Variants in RBMS3 observed in about 807,000 individuals in gnomAD.
The protein encoded by RBMS3 is RNA-binding motif, single-stranded-interacting protein 3.
Under a neutral mutation model 66.8 loss-of-function variants are expected in RBMS3, and 27 were observed. That is an observed-to-expected ratio of 0.40 (90% CI 0.30 to 0.56). The LOEUF (loss-of-function observed/expected upper bound fraction) is 0.56. Ranked by LOEUF, RBMS3 falls within the 20% of genes least tolerant of loss-of-function variation. The pLI is 0.40. For synonymous variants in RBMS3, 188 were observed against 183.0 expected, an observed-to-expected ratio of 1.03 and a Z score of -0.22; for missense variants, 513 against 549.5, an observed-to-expected ratio of 0.93 and a Z score of 0.66.
intron 1 of RBMS3, among the ~76,000 whole-genome samples, chr3:29,312,532 C>T (rs988615000): frequency 6.6e-6 from 1 of 151,714 alleles, no homozygotes; most frequent in Non-Finnish European, 1.5e-5. Flanking sequence ...ATTTAAATCA[C>T]TAATTAATTC....
chr3:29,353,965 G>A (rs1005798208), intron 1 of RBMS3, among the ~76,000 whole-genome samples: 2 of 152,054 alleles, frequency 1.3e-5, no homozygotes, highest in African/African-American at 4.8e-5. Flanking sequence ...TGGCTGACAC[G>A]AATTAGTATT....
intron 1 of RBMS3, among the ~76,000 whole-genome samples, chr3:29,398,654 A>G (rs1005511827): frequency 6.6e-6 from 1 of 152,154 alleles, no homozygotes; most frequent in South Asian, 2.1e-4. Flanking sequence ...ACTGTTGGTG[A>G]CCAGGATGTC....
intron 10 of RBMS3, among the ~76,000 whole-genome samples, chr3:29,922,195 G>C (rs1424618163): frequency 1.3e-5 from 2 of 152,212 alleles, no homozygotes; most frequent in African/African-American, 4.8e-5. Flanking sequence ...TTCACAGCAA[G>C]ATATAACAGA....
chr3:29,405,391 T>C (rs1203797381), intron 1 of RBMS3, among the ~76,000 whole-genome samples: 1 of 152,172 alleles, frequency 6.6e-6, no homozygotes, highest in African/African-American at 2.4e-5. Flanking sequence ...AAGAATTCTT[T>C]ATTTTGTGTG....
At chr3:29,693,484 T>A (rs1398776838) in intron 4 of RBMS3, among the ~76,000 whole-genome samples, 1 of 152,156 alleles carries the variant, frequency 6.6e-6, no homozygotes, top group African/African-American at 2.4e-5. Flanking sequence ...GCATGCCAAT[T>A]TATTTCTATT....
intron 10 of RBMS3, among the ~76,000 whole-genome samples, chr3:29,919,080 G>A (rs1319284880): frequency 2.0e-5 from 3 of 152,028 alleles, no homozygotes; most frequent in Admixed American, 2.0e-4. Flanking sequence ...CTCTTTTAAA[G>A]AGTTTTTCCT....
At chr3:29,799,627 T>C (rs1207968495) in intron 6 of RBMS3, among the ~76,000 whole-genome samples, 1 of 152,212 alleles carries the variant, frequency 6.6e-6, no homozygotes, top group Non-Finnish European at 1.5e-5. Flanking sequence ...CCCCCTCAGA[T>C]AGGTACATCT....
chr3:29,729,747 A>G (rs2054049336), intron 4 of RBMS3, among the ~76,000 whole-genome samples: 1 of 152,166 alleles, frequency 6.6e-6, no homozygotes, highest in South Asian at 2.1e-4. Flanking sequence ...AATAATGATG[A>G]GAATTTTTTA....
At chr3:29,381,003 A>G (rs2038737334) in intron 1 of RBMS3, among the ~76,000 whole-genome samples, 1 of 152,208 alleles carries the variant, frequency 6.6e-6, no homozygotes, top group African/African-American at 2.4e-5. Context: ...ATAAGGTGTT[A>G]AATCTTCTCT....
At chr3:29,872,004 A>G (rs559860412) in intron 7 of RBMS3, among the ~76,000 whole-genome samples, 1 of 152,266 alleles carries the variant, frequency 6.6e-6, no homozygotes, top group South Asian at 2.1e-4. Flanking sequence ...CATGTTCTAC[A>G]TAAGTGAAAA....
At chr3:29,648,873 C>T (rs1279208385) in intron 4 of RBMS3, among the ~76,000 whole-genome samples, 3 of 152,138 alleles carry the variant, frequency 2.0e-5, no homozygotes, top group Admixed American at 6.5e-5. Flanking sequence ...GGCATATGAG[C>T]TAATTCATGT....
At chr3:29,630,981 T>C (rs2149175552) in intron 4 of RBMS3, among the ~76,000 whole-genome samples, 1 of 152,098 alleles carries the variant, frequency 6.6e-6, no homozygotes, top group South Asian at 2.1e-4. Flanking sequence ...CAGAGCTTTC[T>C]ATTGCCCATT....
At chr3:29,805,112 G>A (rs1357911803) in intron 6 of RBMS3, among the ~76,000 whole-genome samples, 1 of 151,950 alleles carries the variant, frequency 6.6e-6, no homozygotes, top group Non-Finnish European at 1.5e-5. Context: ...CAACCTCTTG[G>A]TTAATGATGG....
chr3:29,418,259 G>A (rs775576095), intron 1 of RBMS3, among the ~76,000 whole-genome samples: 5 of 152,140 alleles, frequency 3.3e-5, no homozygotes, highest in East Asian at 1.9e-4. Flanking sequence ...GATAAAATAA[G>A]TGCAGAATAT....
intron 3 of RBMS3, among the ~76,000 whole-genome samples, chr3:29,511,474 G>A (rs2044407614): frequency 6.6e-6 from 1 of 152,132 alleles, no homozygotes; most frequent in South Asian, 2.1e-4. Flanking sequence ...TGGAGAACTA[G>A]TTTTACTTTT....
intron 1 of RBMS3, among the ~76,000 whole-genome samples, chr3:29,359,997 G>T (rs1446891119): frequency 6.6e-6 from 1 of 152,046 alleles, no homozygotes. Context: ...CAAAAAACCA[G>T]CTCCTGGATT....
At chr3:29,292,527 A>G (rs1363840665) in intron 1 of RBMS3, among the ~76,000 whole-genome samples, 2 of 151,724 alleles carry the variant, frequency 1.3e-5, no homozygotes, top group Non-Finnish European at 2.9e-5. Context: ...TCTCTTTTTT[A>G]TGTCATTCTT....
chr3:29,453,465 A>T (rs1444136793), intron 2 of RBMS3, among the ~76,000 whole-genome samples: 1 of 152,166 alleles, frequency 6.6e-6, no homozygotes, highest in Non-Finnish European at 1.5e-5. Context: ...GCAGCTGGTT[A>T]TTGCAGCGAA....
chr3:29,404,993 A>G (rs1055378008), intron 1 of RBMS3, among the ~76,000 whole-genome samples: 1 of 152,168 alleles, frequency 6.6e-6, no homozygotes, highest in African/African-American at 2.4e-5. Flanking sequence ...AAAACTAGGC[A>G]TGGAAGAAAA....
Sources: gnomAD v4.1 joint callset for allele counts (sites outside exome capture counted in the v4.1 genomes callset) on GRCh38, gnomAD v4.1.1 for gene constraint, MANE v1.5 for transcripts, NCBI Gene and HGNC (gene_info 2026-07-23, HGNC 2026-07-21) for gene names.